POU2F3: variants seen among roughly 807,000 people sequenced by gnomAD.
The protein encoded by POU2F3 is POU class 2 homeobox 3.
POU2F3 carries 23 observed loss-of-function variants against 59.2 expected under a neutral mutation model. The ratio of observed to expected loss-of-function variants is 0.39; its 90% CI spans 0.28 to 0.55. POU2F3 has a LOEUF of 0.55. Ranked by LOEUF, POU2F3 falls within the 20% of genes least tolerant of loss-of-function variation. The pLI, the probability that POU2F3 is intolerant of heterozygous loss-of-function variation, is 0.66. For missense variants in POU2F3, 473 were observed against 544.5 expected (o/e 0.87, Z 1.31); for synonymous variants, 190 against 214.6 (o/e 0.89, Z 1.00).
upstream of POU2F3, chr11:120,236,655 A>G: frequency 6.7e-7 from 1 of 1,488,386 alleles, no homozygotes; most frequent in South Asian, 1.2e-5. Flanking sequence ...TCCAGCCCAG[A>G]GCTCAAAAAA....
chr11:120,278,361 C>T (rs560702299), intron 3 of POU2F3, among the ~76,000 whole-genome samples: 207 of 152,258 alleles, frequency 1.4e-3, no homozygotes, highest in South Asian at 4.2e-3. Context: ...AGAGAAACCA[C>T]GCCACAGATT....
chr11:120,305,609 C>G, intron 7 of POU2F3, 35 bp from the exon 8 acceptor site: 1 of 1,608,408 alleles, frequency 6.2e-7, no homozygotes, highest in Non-Finnish European at 8.5e-7. Flanking sequence ...AGGAGGCTGC[C>G]TCTCATGTTC....
intron 3 of POU2F3, among the ~76,000 whole-genome samples, chr11:120,274,590 T>C (rs1286493140): frequency 6.6e-6 from 1 of 152,098 alleles, no homozygotes. Context: ...AACAAACTTA[T>C]CCAGATGATG....
At chr11:120,236,838 C>CA (rs1938515945), upstream of POU2F3, 3 of 875,382 alleles carry the variant, frequency 3.4e-6, no homozygotes, top group Non-Finnish European at 5.4e-6. Context: ...ACTTAGAGGG[C>CA]ACCCCAGCCT....
chr11:120,241,755 G>A (rs1474391030), intron 1 of POU2F3, among the ~76,000 whole-genome samples: 2 of 152,152 alleles, frequency 1.3e-5, no homozygotes, highest in South Asian at 2.1e-4. Flanking sequence ...CAGACTTCCT[G>A]GGGGTTTTCC....
chr11:120,271,708 G>A (rs1940082860), intron 3 of POU2F3, among the ~76,000 whole-genome samples: 1 of 152,178 alleles, frequency 6.6e-6, no homozygotes, highest in South Asian at 2.1e-4. Context: ...ACCCTGGGAG[G>A]CCCCTGACCC....
chr11:120,314,229 CGAAATAAGT>C (rs1565392318), intron 10 of POU2F3, among the ~76,000 whole-genome samples: 1 of 152,200 alleles, frequency 6.6e-6, no homozygotes, highest in Non-Finnish European at 1.5e-5. Flanking sequence ...TGATTAATGA[CGAAATAAGT>C]ACATGCTGCA....
chr11:120,264,190 T>TACACACACACACACAC (rs35186745), intron 2 of POU2F3, among the ~76,000 whole-genome samples: 11 of 133,126 alleles, frequency 8.3e-5, no homozygotes, highest in African/African-American at 2.5e-4. Flanking sequence ...TAAGACCTCA[T>TACACACACACACACAC]ACACACACAC....
intron 10 of POU2F3, among the ~76,000 whole-genome samples, chr11:120,313,808 G>C (rs537021219): frequency 2.0e-5 from 3 of 152,294 alleles, no homozygotes; most frequent in Admixed American, 6.5e-5. Flanking sequence ...GAGGTTAGGA[G>C]TTCGAGACCA....
intron 3 of POU2F3, among the ~76,000 whole-genome samples, chr11:120,277,889 C>T (rs1285254477): frequency 6.6e-6 from 1 of 152,128 alleles, no homozygotes; most frequent in Non-Finnish European, 1.5e-5. Flanking sequence ...GCAGGTATAT[C>T]CTTAGACATA....
upstream of POU2F3, among the ~76,000 whole-genome samples, chr11:120,237,263 CTA>C (rs1260822561): frequency 5.9e-5 from 9 of 152,186 alleles, no homozygotes; most frequent in Non-Finnish European, 1.3e-4. Context: ...AGCACTCAAT[CTA>C]TATTCATTGA....
chr11:120,302,374 C>T lies in POU2F3; in HGVS notation c.444+6C>T. 1 of 1,583,540 alleles carries T rather than the reference C, an allele frequency of 6.3e-7. No homozygotes were observed. Among genetic ancestry groups the T allele is most frequent in the Non-Finnish European group, 8.7e-7 (1 of 1,152,420 alleles). On this transcript the variant is annotated splice_donor_region_variant and intron_variant, in intron 6 of 12. Transcript: ENST00000543440. ...GGCCGGGACTGGCATCCCAGGTAAACAACCCCATTCTTCCTGTTTCCTCTA... is the reference window on the plus strand; with the variant it reads ...GGCCGGGACTGGCATCCCAGGTAAATAACCCCATTCTTCCTGTTTCCTCTA...
At chr11:120,308,130 C>T (rs916522113) in intron 9 of POU2F3, among the ~76,000 whole-genome samples, 1 of 152,204 alleles carries the variant, frequency 6.6e-6, no homozygotes, top group Non-Finnish European at 1.5e-5. Flanking sequence ...TTTCTATGCA[C>T]ATTTAGATAC....
intron 5 of POU2F3, 120 bp from the exon 6 acceptor site, chr11:120,302,166 G>A (rs1279328308): frequency 6.3e-6 from 5 of 793,686 alleles, no homozygotes; most frequent in Non-Finnish European, 1.0e-5. Context: ...GGTGGGTGGA[G>A]GGACCTGATC....
At chr11:120,287,363 C>CTT (rs1940820595) in intron 3 of POU2F3, among the ~76,000 whole-genome samples, 2 of 152,192 alleles carry the variant, frequency 1.3e-5, no homozygotes, top group Admixed American at 6.5e-5. Flanking sequence ...AAGTGATGGA[C>CTT]ATTATGCACT....
intron 2 of POU2F3, among the ~76,000 whole-genome samples, chr11:120,252,647 C>T (rs1344529294): frequency 1.3e-5 from 2 of 152,190 alleles, no homozygotes; most frequent in Non-Finnish European, 2.9e-5. Flanking sequence ...GCCTGTGGTG[C>T]CAGGATTTGC....
chr11:120,305,159 G>A lies in POU2F3; in HGVS notation c.574G>A (p.Glu192Lys). 1 of 1,613,868 alleles carries A rather than the reference G, an allele frequency of 6.2e-7. No individual in the cohort carries two copies. Among genetic ancestry groups the A allele is most frequent in the South Asian group, 1.1e-5 (1 of 91,050 alleles). ...ADEPSDLEEL[E>K]KFAKTFKQRR... ...TGAGCCCAGTGACCTCGAGGAGCTG[G>A]AGAAGTTTGCCAAGACCTTCAAGCA... is the stretch of plus-strand genomic sequence containing the variant. Residue 192 changes from glutamate to lysine, a missense_variant, in exon 7 of 13, where the codon GAG (glutamate) becomes AAG (lysine). Transcript: ENST00000543440.
chr11:120,252,243 G>A (rs1939138554), intron 2 of POU2F3, among the ~76,000 whole-genome samples: 1 of 134,642 alleles, frequency 7.4e-6, no homozygotes, highest in Non-Finnish European at 1.5e-5. Flanking sequence ...GTCTTGCTTC[G>A]TTGCCCAGGC....
intron 6 of POU2F3, chr11:120,303,878 C>T (rs180794689): frequency 6.6e-6 from 1 of 152,130 alleles, no homozygotes; most frequent in East Asian, 1.9e-4. Flanking sequence ...TGGATTTAGC[C>T]CTTTGAGCTA....
Sources: gnomAD v4.1 joint callset for allele counts (sites outside exome capture counted in the v4.1 genomes callset) on GRCh38, gnomAD v4.1.1 for gene constraint, MANE v1.5 for transcripts, NCBI Gene and HGNC (gene_info 2026-07-23, HGNC 2026-07-21) for gene names.